Variants in GPM6A observed in about 807,000 individuals in gnomAD.
GPM6A encodes the protein glycoprotein M6A.
In GPM6A, 7 loss-of-function variants were observed where a neutral mutation model predicts 32.1. That is an observed-to-expected ratio of 0.22 (90% CI 0.12 to 0.41). GPM6A has a LOEUF of 0.41. GPM6A is among the 10% of genes least tolerant of loss of function. The pLI, the probability that GPM6A is intolerant of heterozygous loss-of-function variation, is 1.00. For synonymous variants in GPM6A, 130 were observed against 123.4 expected (o/e 1.05, Z -0.35); for missense variants, 235 against 347.2 (o/e 0.68, Z 2.57).
intron 3 of GPM6A, among the ~76,000 whole-genome samples, chr4:175,667,474 T>C (rs973682515): frequency 3.3e-5 from 5 of 152,284 alleles, no homozygotes; most frequent in African/African-American, 9.6e-5. Flanking sequence ...GACAATTAAA[T>C]GTAATATGGT....
intron 1 of GPM6A, among the ~76,000 whole-genome samples, chr4:175,890,103 A>G (rs984828673): frequency 1.3e-5 from 2 of 152,222 alleles, no homozygotes; most frequent in African/African-American, 4.8e-5. Context: ...CATGAAAATA[A>G]CAATGAGACT....
chr4:175,943,905 AGAGAG>A (rs2126351504), intron 1 of GPM6A, among the ~76,000 whole-genome samples: 1 of 152,288 alleles, frequency 6.6e-6, no homozygotes, highest in East Asian at 1.9e-4. Flanking sequence ...AAAATGAGTT[AGAGAG>A]GAGTCCCTCT....
Position 175,721,593 on chromosome 4 carries a change from C to T in GPM6A, c.38-19826G>A, listed in dbSNP as rs191085582. The stretch of plus-strand genomic sequence containing the variant: ...ACAAACTTAATAGTTTAATGTTTTC[C>T]TCAAACCACTGGAAAGCCATGGGAG... On this transcript the variant is annotated intron_variant, in intron 1 of 6. Transcript: ENST00000393658. Among the ~76,000 whole-genome samples, 19 of 152,224 alleles carry T rather than the reference C, an allele frequency of 1.2e-4. No homozygotes were observed. The East Asian group carries it at 3.5e-3, about 28-fold the overall frequency.
rs140235309 is a variant in GPM6A, at chr4:175,951,972, G to A, written c.-23+50337C>T. On this transcript the variant is annotated intron_variant, in intron 1 of 7. Transcript: ENST00000280187. ...ATCGGCTCTCCTGGGCTTGCAGCCT[G>A]CTGGCAGCCATGCTGCAGACTTTGG... 5.5e-3 allele frequency among the ~76,000 whole-genome samples: 843 copies of A among 152,344 alleles called. 1 individual carries two copies. Among genetic ancestry groups the A allele is most frequent in the Non-Finnish European group, 8.2e-3 (561 of 68,038 alleles).
At chr4:175,665,131 T>C (rs1742670697) in intron 3 of GPM6A, among the ~76,000 whole-genome samples, 1 of 152,230 alleles carries the variant, frequency 6.6e-6, no homozygotes. Flanking sequence ...ATCACTGTAA[T>C]TAAAATGTCC....
At position 175,936,306 on chromosome 4, in the gene GPM6A, C is replaced by CAAAAA. The variant is rs35653197; in HGVS notation, c.-23+65998_-23+66002dup. On this transcript the variant is annotated intron_variant, in intron 1 of 7. Coordinates refer to the GPM6A transcript ENST00000280187. ...GGGCGACACAGCGAGACTCTGTCTCCAAAAAAAAAAAAAAAAAAAAAAAAA... is the reference window on the plus strand; with the variant it reads ...GGGCGACACAGCGAGACTCTGTCTCCAAAAAAAAAAAAAAAAAAAAAAAAAAAAAA... Among the ~76,000 whole-genome samples, 66 of 45,610 alleles carry CAAAAA rather than the reference C, an allele frequency of 1.4e-3. 6 individuals are homozygous for CAAAAA. The highest frequency in any genetic ancestry group is 0.011 in the East Asian group (13 of 1,144). The allele number at this position is 45,610 out of a possible 152,430, so 29.9% of individuals were successfully genotyped here.
At chr4:175,911,943 AT>A (rs766333266) in intron 1 of GPM6A, among the ~76,000 whole-genome samples, 1 of 152,198 alleles carries the variant, frequency 6.6e-6, no homozygotes, top group Non-Finnish European at 1.5e-5. Context: ...CAGGACAGGC[AT>A]AATTTGAGGT....
At position 175,936,306 on chromosome 4, in the gene GPM6A, C is replaced by CAAAAAAAAA. The variant is rs35653197; in HGVS notation, c.-23+65994_-23+66002dup. Among the ~76,000 whole-genome samples, 132 of 45,614 alleles carry CAAAAAAAAA rather than the reference C, an allele frequency of 2.9e-3. 10 individuals carry two copies. Among genetic ancestry groups the CAAAAAAAAA allele is most frequent in the East Asian group, 5.3e-3 (6 of 1,142 alleles). The allele number at this position is 45,614 out of a possible 152,430, so 29.9% of individuals were successfully genotyped here. The stretch of plus-strand genomic sequence containing the variant: ...GGGCGACACAGCGAGACTCTGTCTC[C>CAAAAAAAAA]AAAAAAAAAAAAAAAAAAAAAAAAA... On this transcript the variant is annotated intron_variant, in intron 1 of 7. Transcript: ENST00000280187.
chr4:175,814,539 A>T (rs1428998036), upstream of GPM6A, among the ~76,000 whole-genome samples: 1 of 152,220 alleles, frequency 6.6e-6, no homozygotes, highest in African/African-American at 2.4e-5. Context: ...AGGAAATTTT[A>T]AAAATATTCA....
chr4:175,696,044 A>C (rs1213273947), intron 2 of GPM6A, among the ~76,000 whole-genome samples: 1 of 152,272 alleles, frequency 6.6e-6, no homozygotes, highest in Middle Eastern at 3.4e-3. Flanking sequence ...GCAGCATGAA[A>C]GTAGGTATTA....
rs147454013 is a variant in GPM6A at position 175,723,538 on chromosome 4, A to G, written c.38-21771T>C. On this transcript the variant is annotated intron_variant, in intron 1 of 6. Transcript: ENST00000393658. ...AATACTAAAAGGCAGGCAAAAGGGT[A>G]TTTCTGGGGGAGTTTGGCTAGAATG... Among the ~76,000 whole-genome samples, 98 of 152,280 alleles carry G rather than the reference A, an allele frequency of 6.4e-4. 1 individual carries two copies. The highest frequency in any genetic ancestry group is 2.0e-3 in the African/African-American group (85 of 41,554).
intron 1 of GPM6A, chr4:175,811,904 T>C (rs1734934111): frequency 3.9e-6 from 1 of 257,480 alleles, no homozygotes. Context: ...ACGAAATAAA[T>C]GAAGGTTAAC....
At chr4:175,810,241 A>G (rs536660044) in intron 1 of GPM6A, among the ~76,000 whole-genome samples, 1 of 152,270 alleles carries the variant, frequency 6.6e-6, no homozygotes, top group Admixed American at 6.5e-5. Flanking sequence ...CTAACAACAA[A>G]CTTATATAGA....
Position 175,726,078 on chromosome 4 carries a change from C to T in GPM6A, c.38-24311G>A, listed in dbSNP as rs113568213. Among the ~76,000 whole-genome samples the T allele has an allele frequency of 1.1e-4, 17 of 148,064 alleles. 1 individual carries two copies. The highest frequency in any genetic ancestry group is 2.7e-4 in the African/African-American group (11 of 40,122). ...CGCGATCTCGGCTCACTGCAAGCTT[C>T]GCCTCCCAGGTTCATGCCATTCTCC... On this transcript the variant is annotated intron_variant, in intron 1 of 6. Coordinates refer to ENST00000393658, the MANE Select transcript of GPM6A (RefSeq NM_201591.3).
chr4:175,740,039 A>T (rs1731815239), intron 1 of GPM6A, among the ~76,000 whole-genome samples: 1 of 152,058 alleles, frequency 6.6e-6, no homozygotes, highest in Non-Finnish European at 1.5e-5. Context: ...CGTGTAGAAA[A>T]TATTGTCTCT....
chr4:175,839,868 G>A (rs1270470543), intron 1 of GPM6A, among the ~76,000 whole-genome samples: 1 of 152,106 alleles, frequency 6.6e-6, no homozygotes, highest in East Asian at 1.9e-4. Context: ...GGAGATCCTA[G>A]CTAATAATAT....
intron 1 of GPM6A, among the ~76,000 whole-genome samples, chr4:175,917,947 T>C (rs1185382710): frequency 3.3e-5 from 5 of 152,108 alleles, no homozygotes; most frequent in Non-Finnish European, 7.4e-5. Context: ...TAGTAAAATT[T>C]AAAACAGTTT....
At chr4:175,741,760 T>C (rs1731897216) in intron 1 of GPM6A, among the ~76,000 whole-genome samples, 1 of 152,150 alleles carries the variant, frequency 6.6e-6, no homozygotes, top group Non-Finnish European at 1.5e-5. Context: ...AATTAGCATT[T>C]AGTTGGCGCT....
At chr4:175,752,469 C>A (rs1410339795) in intron 1 of GPM6A, among the ~76,000 whole-genome samples, 1 of 152,070 alleles carries the variant, frequency 6.6e-6, no homozygotes. Context: ...TCTTTCAAAC[C>A]AGTCACACTT....
Sources: allele counts gnomAD v4.1 joint callset (sites outside exome capture counted in the v4.1 genomes callset), GRCh38; gene constraint gnomAD v4.1.1; transcripts MANE v1.5; gene names NCBI Gene and HGNC (gene_info 2026-07-23, HGNC 2026-07-21).